Variants in PPFIBP2 observed in about 807,000 individuals in gnomAD.
PPFIBP2 encodes the protein PPFIB scaffold protein 2.
PPFIBP2 carries 118 observed loss-of-function variants against 118.3 expected under a neutral mutation model. The observed-to-expected ratio is 1.00, with a 90% CI of 0.86 to 1.16. PPFIBP2 has a LOEUF of 1.16. Among genes scored for constraint, PPFIBP2 ranks in the 50% most tolerant of loss-of-function variants. The pLI, the probability that PPFIBP2 is intolerant of heterozygous loss-of-function variation, is 0.00. For missense variants in PPFIBP2, 1,195 were observed against 1,073.1 expected (o/e 1.11, Z -1.59); for synonymous variants, 414 against 397.4 (o/e 1.04, Z -0.50).
chr11:7,646,601 T>G (rs928621034), intron 17 of PPFIBP2, among the ~76,000 whole-genome samples: 1 of 152,192 alleles, frequency 6.6e-6, no homozygotes, highest in East Asian at 1.9e-4. Context: ...AGCTCAGACC[T>G]GTAGTCCCAG....
At chr11:7,633,567 C>A (rs954173195) in intron 12 of PPFIBP2, among the ~76,000 whole-genome samples, 1 of 152,168 alleles carries the variant, frequency 6.6e-6, no homozygotes, top group Non-Finnish European at 1.5e-5. Context: ...GGCTGCCTTT[C>A]AGCTAAGGTG....
At position 7,516,328 on chromosome 11, in the gene PPFIBP2, G is replaced by A. The variant is rs570946733; in HGVS notation, c.-37+2207G>A. Among the ~76,000 whole-genome samples, 4 of 152,268 alleles carry A rather than the reference G, an allele frequency of 2.6e-5. No homozygotes were observed. The East Asian group carries it at 7.7e-4, about 29-fold the overall frequency. On this transcript the variant is annotated intron_variant, in intron 1 of 23. Coordinates refer to ENST00000299492, the MANE Select transcript of PPFIBP2 (RefSeq NM_003621.5). ...AGAGTGATGAGGTGGGGACAGGTAG[G>A]GAGACTTCGGAGAGATAGAATCTGT...
At position 7,653,289 on chromosome 11, in the gene PPFIBP2, C is replaced by G; in HGVS notation, c.*71C>G. On this transcript the variant is annotated 3_prime_UTR_variant, in exon 24 of 24. Coordinates refer to ENST00000299492, the MANE Select transcript of PPFIBP2 (RefSeq NM_003621.5). ...CACTGTGTGTGTCACCATATAACTGCACCTCACCCCCGCACGTGTGCATGA... is the reference window on the plus strand; with the variant it reads ...CACTGTGTGTGTCACCATATAACTGGACCTCACCCCCGCACGTGTGCATGA... 1 of 1,595,994 alleles carries G rather than the reference C, an allele frequency of 6.3e-7. No individual in the cohort carries two copies. Among genetic ancestry groups the G allele is most frequent in the East Asian group, 2.2e-5 (1 of 44,618 alleles).
intron 4 of PPFIBP2, chr11:7,597,179 A>G: frequency 2.0e-6 from 3 of 1,469,538 alleles, no homozygotes; most frequent in Non-Finnish European, 1.8e-6. Flanking sequence ...CCGCTCTTCC[A>G]CACGAGGTTG....
At chr11:7,618,880 C>G (rs957435300) in intron 6 of PPFIBP2, among the ~76,000 whole-genome samples, 1 of 141,404 alleles carries the variant, frequency 7.1e-6, no homozygotes, top group East Asian at 2.2e-4. Context: ...CCATGCCATC[C>G]AGAAGTTTTT....
intron 7 of PPFIBP2, among the ~76,000 whole-genome samples, chr11:7,625,436 C>T (rs1354236266): frequency 1.3e-5 from 2 of 152,250 alleles, no homozygotes. Context: ...ATATCCTCCT[C>T]TGCACCAAGG....
chr11:7,612,074 G>A (rs1848134890), intron 6 of PPFIBP2, among the ~76,000 whole-genome samples: 1 of 152,182 alleles, frequency 6.6e-6, no homozygotes, highest in Admixed American at 6.5e-5. Context: ...GAAAAAGGGA[G>A]GAGAGAGACC....
intron 5 of PPFIBP2, among the ~76,000 whole-genome samples, chr11:7,600,038 A>G (rs765063228): frequency 9.2e-5 from 14 of 152,096 alleles, no homozygotes; most frequent in Non-Finnish European, 1.8e-4. Flanking sequence ...CATAGAGGGT[A>G]GATGTCTTAA....
At chr11:7,610,551 A>G in intron 6 of PPFIBP2, 129 bp downstream of exon 6, 1 of 1,299,490 alleles carries the variant, frequency 7.7e-7, no homozygotes, top group Non-Finnish European at 1.1e-6. Flanking sequence ...CTAGAGATGC[A>G]GTGATCTGTT....
At chr11:7,652,060 T>C (rs79059216) in intron 23 of PPFIBP2, among the ~76,000 whole-genome samples, 1,535 of 152,378 alleles carry the variant, frequency 0.01, 28 homozygotes, top group African/African-American at 0.035. Flanking sequence ...CAGGTTTCTT[T>C]ACCTAGAAAA....
At chr11:7,599,931 A>AC (rs1256797581) in intron 5 of PPFIBP2, among the ~76,000 whole-genome samples, 1 of 151,284 alleles carries the variant, frequency 6.6e-6, no homozygotes, top group Non-Finnish European at 1.5e-5. Context: ...GGTGTGAGCC[A>AC]CTGCGCCCGG....
chr11:7,564,055 A>G (rs1326558954), intron 2 of PPFIBP2, among the ~76,000 whole-genome samples: 2 of 151,986 alleles, frequency 1.3e-5, no homozygotes, highest in African/African-American at 2.4e-5. Context: ...AGTCCCAGCT[A>G]CTCGGGAGGC....
At chr11:7,556,282 C>T (rs1343999059) in intron 2 of PPFIBP2, among the ~76,000 whole-genome samples, 10 of 152,070 alleles carry the variant, frequency 6.6e-5, no homozygotes, top group South Asian at 2.1e-4. Context: ...AGTGAAACCC[C>T]GTCTCTACTA....
intron 2 of PPFIBP2, among the ~76,000 whole-genome samples, chr11:7,549,962 A>G (rs1852779092): frequency 6.6e-6 from 1 of 152,230 alleles, no homozygotes; most frequent in South Asian, 2.1e-4. Flanking sequence ...TGTTTCAGAG[A>G]TGAAAGGCAG....
chr11:7,628,357 C>T lies in PPFIBP2; in HGVS notation c.888+11C>T. Reference sequence around the variant, plus strand: ...GCCAATGAAGATAAGGTAAGATGGTCATTGGGTAGCCCTGTCTTTTCCATG... The same window carrying T: ...GCCAATGAAGATAAGGTAAGATGGTTATTGGGTAGCCCTGTCTTTTCCATG... On this transcript the variant is annotated intron_variant, in intron 9 of 23. Coordinates refer to ENST00000299492, the MANE Select transcript of PPFIBP2 (RefSeq NM_003621.5). 6.2e-7 allele frequency: 1 copy of T among 1,612,656 alleles called. No homozygotes were observed. The highest frequency in any genetic ancestry group is 2.2e-5 in the East Asian group (1 of 44,872).
intron 6 of PPFIBP2, among the ~76,000 whole-genome samples, chr11:7,612,773 G>A (rs1191732177): frequency 6.6e-6 from 1 of 152,222 alleles, no homozygotes; most frequent in African/African-American, 2.4e-5. Context: ...TAATCAGTGA[G>A]CAGCCACATG....
At chr11:7,567,728 G>A (rs1246370192) in intron 3 of PPFIBP2, among the ~76,000 whole-genome samples, 1 of 152,070 alleles carries the variant, frequency 6.6e-6, no homozygotes, top group Non-Finnish European at 1.5e-5. Flanking sequence ...AGACTGGTGA[G>A]CAAACTCATC....
intron 1 of PPFIBP2, among the ~76,000 whole-genome samples, chr11:7,529,885 T>A (rs1032377527): frequency 6.6e-6 from 1 of 152,228 alleles, no homozygotes; most frequent in Non-Finnish European, 1.5e-5. Context: ...TGGAAGGCCC[T>A]GTGGCCCTAA....
chr11:7,580,094 TAC>T (rs913741513), intron 3 of PPFIBP2, among the ~76,000 whole-genome samples: 3 of 152,130 alleles, frequency 2.0e-5, no homozygotes, highest in Non-Finnish European at 4.4e-5. Flanking sequence ...AACCTCAACT[TAC>T]CTTTTTAGTT....
Sources: gnomAD v4.1 joint callset for allele counts (sites outside exome capture counted in the v4.1 genomes callset) on GRCh38, gnomAD v4.1.1 for gene constraint, MANE v1.5 for transcripts, NCBI Gene and HGNC (gene_info 2026-07-23, HGNC 2026-07-21) for gene names.